The following PRKCA variants were observed in gnomAD, a reference collection of about 807,000 sequenced individuals.
PRKCA encodes the protein protein kinase C alpha type.
Under a neutral mutation model 87.0 loss-of-function variants are expected in PRKCA, and 27 were observed. The ratio of observed to expected loss-of-function variants is 0.31; its 90% CI spans 0.23 to 0.43. The LOEUF (loss-of-function observed/expected upper bound fraction) is 0.43. Among genes scored for constraint, PRKCA ranks in the 20% least tolerant of loss-of-function variants. PRKCA has a pLI of 1.00. For synonymous variants in PRKCA, 329 were observed against 311.1 expected (o/e 1.06, Z -0.61); for missense variants, 518 against 852.3 (o/e 0.61, Z 4.88).
chr17:66,502,714 G>A (rs1311718915), intron 3 of PRKCA, among the ~76,000 whole-genome samples: 2 of 152,092 alleles, frequency 1.3e-5, no homozygotes, highest in African/African-American at 2.4e-5. Flanking sequence ...GAGTGCAGTG[G>A]TGCGATCTCG....
chr17:66,434,403 G>A (rs58012262), intron 2 of PRKCA, among the ~76,000 whole-genome samples: 1 of 152,136 alleles, frequency 6.6e-6, no homozygotes, highest in African/African-American at 2.4e-5. Context: ...GAAAACAATG[G>A]CTTTCAATGA....
chr17:66,559,032 T>G, intron 3 of PRKCA, among the ~76,000 whole-genome samples: 1 of 151,658 alleles, frequency 6.6e-6, no homozygotes, highest in South Asian at 2.1e-4. Flanking sequence ...TCGAACAGGC[T>G]GTGGCTTCCC....
intron 6 of PRKCA, 61 bp from the exon 7 acceptor site, chr17:66,688,241 G>A (rs777559309): frequency 1.8e-4 from 292 of 1,592,182 alleles, no homozygotes; most frequent in Middle Eastern, 5.0e-4. Context: ...TATACATGTG[G>A]TATCTCCCAA....
chr17:66,727,165 C>T (rs1176714389), intron 8 of PRKCA, among the ~76,000 whole-genome samples: 2 of 151,288 alleles, frequency 1.3e-5, no homozygotes, highest in Non-Finnish European at 2.9e-5. Context: ...CTTGATACTG[C>T]CACGGGAAGG....
At chr17:66,454,243 A>C (rs1567837574) in intron 2 of PRKCA, among the ~76,000 whole-genome samples, 1 of 152,196 alleles carries the variant, frequency 6.6e-6, no homozygotes, top group African/African-American at 2.4e-5. Flanking sequence ...CTCCCTGGTC[A>C]GTGTGCTGGC....
chr17:66,438,110 G>A (rs539718320), intron 2 of PRKCA, among the ~76,000 whole-genome samples: 1 of 152,254 alleles, frequency 6.6e-6, no homozygotes, highest in Admixed American at 6.5e-5. Context: ...CAGCAGAAGA[G>A]CTGAGGGGTC....
intron 13 of PRKCA, among the ~76,000 whole-genome samples, chr17:66,756,953 G>A (rs530983457): frequency 1.1e-4 from 17 of 152,300 alleles, no homozygotes; most frequent in African/African-American, 3.8e-4. Context: ...GTGAGCCACC[G>A]TGCCTGGCCA....
chr17:66,481,037 C>T (rs1015950035), intron 2 of PRKCA, among the ~76,000 whole-genome samples: 2 of 152,108 alleles, frequency 1.3e-5, no homozygotes, highest in African/African-American at 2.4e-5. Flanking sequence ...GGCTGCCTGT[C>T]TTGGTGGGGA....
intron 2 of PRKCA, among the ~76,000 whole-genome samples, chr17:66,473,089 A>C (rs1915391337): frequency 1.3e-5 from 2 of 148,272 alleles, no homozygotes; most frequent in Admixed American, 6.8e-5. Flanking sequence ...CCACTCCCCC[A>C]CTCCCCCATT....
intron 2 of PRKCA, among the ~76,000 whole-genome samples, chr17:66,407,308 C>G (rs1911474697): frequency 6.6e-6 from 1 of 151,774 alleles, no homozygotes; most frequent in Non-Finnish European, 1.5e-5. Flanking sequence ...GCACCATCAC[C>G]TTGGGCTGTT....
chr17:66,491,565 A>G (rs371465878), intron 2 of PRKCA, among the ~76,000 whole-genome samples: 22 of 152,200 alleles, frequency 1.4e-4, no homozygotes, highest in African/African-American at 5.3e-4. Context: ...CTTTACTCCA[A>G]TTTCCTTTGC....
chr17:66,523,824 G>A (rs1190394763), intron 3 of PRKCA, among the ~76,000 whole-genome samples: 1 of 152,218 alleles, frequency 6.6e-6, no homozygotes, highest in Non-Finnish European at 1.5e-5. Flanking sequence ...AACTTTCAGA[G>A]CGAGCGTCAG....
At chr17:66,400,585 G>A (rs1222986580) in intron 2 of PRKCA, among the ~76,000 whole-genome samples, 3 of 152,164 alleles carry the variant, frequency 2.0e-5, no homozygotes, top group Non-Finnish European at 2.9e-5. Context: ...CTATGAACAC[G>A]GGTGTACAAA....
chr17:66,468,972 A>G (rs1915208882), intron 2 of PRKCA, among the ~76,000 whole-genome samples: 1 of 152,172 alleles, frequency 6.6e-6, no homozygotes, highest in African/African-American at 2.4e-5. Context: ...ACCACTTTCA[A>G]CTGTAGACTT....
At chr17:66,352,601 G>A (rs926380581) in intron 2 of PRKCA, among the ~76,000 whole-genome samples, 1 of 109,028 alleles carries the variant, frequency 9.2e-6, no homozygotes, top group Non-Finnish European at 1.7e-5. Flanking sequence ...GTCTCTCTCT[G>A]TTGCCAGGCT....
chr17:66,756,395 C>G (rs999319638), intron 13 of PRKCA, among the ~76,000 whole-genome samples: 13 of 152,094 alleles, frequency 8.5e-5, no homozygotes, highest in Non-Finnish European at 1.8e-4. Context: ...AATCCACAGG[C>G]ACAGGCTCCC....
At chr17:66,536,838 C>T (rs1477416402) in intron 3 of PRKCA, among the ~76,000 whole-genome samples, 1 of 152,210 alleles carries the variant, frequency 6.6e-6, no homozygotes, top group East Asian at 1.9e-4. Context: ...CTTCTATCCT[C>T]CTGTACTCAT....
At chr17:66,306,400 G>C (rs1436046760) in intron 2 of PRKCA, 1 of 345,148 alleles carries the variant, frequency 2.9e-6, no homozygotes, top group Non-Finnish European at 5.1e-6. Flanking sequence ...TGCTGTCTTT[G>C]TGTGGGTGTT....
At chr17:66,396,018 A>C (rs1910643581) in intron 2 of PRKCA, among the ~76,000 whole-genome samples, 1 of 151,210 alleles carries the variant, frequency 6.6e-6, no homozygotes, top group African/African-American at 2.4e-5. Flanking sequence ...CACAGGCAGC[A>C]TGTCTGTTTT....
Sources: gnomAD v4.1 joint callset for allele counts (sites outside exome capture counted in the v4.1 genomes callset) on GRCh38, gnomAD v4.1.1 for gene constraint, MANE v1.5 for transcripts, NCBI Gene and HGNC (gene_info 2026-07-23, HGNC 2026-07-21) for gene names.